The following TBC1D12 variants were observed in gnomAD, a reference collection of about 807,000 sequenced individuals.
TBC1D12 encodes the protein TBC1 domain family, member 12.
A neutral mutation model predicts 86.7 loss-of-function variants in TBC1D12; 56 were observed. The ratio of observed to expected loss-of-function variants is 0.65; its 90% CI spans 0.52 to 0.81. The LOEUF is 0.81. TBC1D12 is among the 30% of genes least tolerant of loss of function. The pLI, the probability that TBC1D12 is intolerant of heterozygous loss-of-function variation, is 0.00. For synonymous variants in TBC1D12, 421 were observed against 411.7 expected (o/e 1.02, Z -0.27); for missense variants, 1,023 against 1,038.8 (o/e 0.98, Z 0.21).
At chr10:94,404,439 G>C (rs1007990777) in intron 1 of TBC1D12, among the ~76,000 whole-genome samples, 5 of 151,856 alleles carry the variant, frequency 3.3e-5, no homozygotes, top group African/African-American at 1.2e-4. Flanking sequence ...TGAGGTCAGG[G>C]GTTCGAGACC....
chr10:94,460,448 C>CT (rs2055708377), intron 2 of TBC1D12, among the ~76,000 whole-genome samples: 1 of 152,034 alleles, frequency 6.6e-6, no homozygotes, highest in Non-Finnish European at 1.5e-5. Flanking sequence ...CCACTCTTTA[C>CT]TTGCATTTCT....
chr10:94,494,137 T>A (rs921425124), intron 4 of TBC1D12, among the ~76,000 whole-genome samples: 4 of 152,112 alleles, frequency 2.6e-5, no homozygotes, highest in Admixed American at 1.3e-4. Flanking sequence ...AAGTATACTC[T>A]TGTGTGTATA....
chr10:94,487,125 CTCTT>C (rs778345955), intron 3 of TBC1D12, among the ~76,000 whole-genome samples: 1 of 151,932 alleles, frequency 6.6e-6, no homozygotes, highest in Non-Finnish European at 1.5e-5. Context: ...AATATAGCGA[CTCTT>C]TCTCCTTTTT....
At chr10:94,416,825 G>C (rs1257685825) in intron 1 of TBC1D12, among the ~76,000 whole-genome samples, 1 of 151,990 alleles carries the variant, frequency 6.6e-6, no homozygotes, top group Non-Finnish European at 1.5e-5. Context: ...TAAAGAAGAG[G>C]GTTTGGGTTA....
At chr10:94,457,146 G>A (rs757250116) in intron 2 of TBC1D12, among the ~76,000 whole-genome samples, 1 of 152,122 alleles carries the variant, frequency 6.6e-6, no homozygotes, top group Non-Finnish European at 1.5e-5. Context: ...TTGCAGGTTT[G>A]TTACGTAGGT....
chr10:94,470,119 A>G (rs1256211801), intron 2 of TBC1D12, among the ~76,000 whole-genome samples: 3 of 152,180 alleles, frequency 2.0e-5, no homozygotes, highest in Admixed American at 2.0e-4. Flanking sequence ...TCTTCAAATC[A>G]CGTGGAGGAG....
intron 2 of TBC1D12, among the ~76,000 whole-genome samples, chr10:94,458,153 ATTCT>A (rs921415175): frequency 8.5e-5 from 13 of 152,180 alleles, no homozygotes; most frequent in African/African-American, 2.9e-4. Flanking sequence ...GAGGTGATTA[ATTCT>A]TTAAGAGGAT....
intron 6 of TBC1D12, among the ~76,000 whole-genome samples, chr10:94,501,072 AAATGAATGAATG>A (rs199587549): frequency 3.5e-5 from 5 of 143,236 alleles, no homozygotes; most frequent in Admixed American, 2.1e-4. Context: ...ATGAATGAAT[AAATGAATGAATG>A]AATGAATGAA....
rs2134207837 is a variant in TBC1D12 at position 94,511,646 on chromosome 10, G to A, written c.1753G>A (p.Val585Ile). Reference sequence around the variant, plus strand: ...GGCATACACATGCTACAGGCCTGATGTTGGTTATGTAAGTATTTGTTTCCA... The same window carrying A: ...GGCATACACATGCTACAGGCCTGATATTGGTTATGTAAGTATTTGTTTCCA... ...LGAYTCYRPD[V>I]GYVQGMSFIA... Residue 585 changes from valine (V) to isoleucine (I), a missense_variant, in exon 9 of 13, where the codon GTT becomes ATT. Transcript: ENST00000225235. 6.2e-7 allele frequency: 1 copy of A among 1,610,410 alleles called. No homozygotes were observed. Among genetic ancestry groups the A allele is most frequent in the Non-Finnish European group, 8.5e-7 (1 of 1,177,466 alleles).
intron 2 of TBC1D12, among the ~76,000 whole-genome samples, chr10:94,465,670 A>G (rs866975166): frequency 0.024 from 3,372 of 137,824 alleles, 113 homozygotes; most frequent in African/African-American, 0.073. Flanking sequence ...ATATATATAT[A>G]TGTGTGTGTG....
chr10:94,441,794 G>A (rs1180769252), intron 1 of TBC1D12, 102 bp from the exon 2 acceptor site: 16 of 1,137,242 alleles, frequency 1.4e-5, no homozygotes, highest in Admixed American at 1.0e-4. Context: ...TTATTTAAAA[G>A]TATTTTTGTT....
At position 94,534,319 on chromosome 10, in the gene TBC1D12, C is replaced by T. The variant is rs142870352; in HGVS notation, c.*1223C>T. On this transcript the variant is annotated 3_prime_UTR_variant, in exon 13 of 13. Coordinates refer to ENST00000225235, the MANE Select transcript of TBC1D12 (RefSeq NM_015188.2). ...CATCATTGCTTTCTTCAAGGAAGGT[C>T]TTGATACTGCCCTCGTCTACCTCAC... 6.6e-6 allele frequency: 1 copy of T among 152,270 alleles called. No individual in the cohort carries two copies. Among genetic ancestry groups the T allele is most frequent in the African/African-American group, 2.4e-5 (1 of 41,556 alleles). The allele number at this position is 152,270 out of a possible 1,614,324, so 9.4% of individuals were successfully genotyped here.
intron 12 of TBC1D12, among the ~76,000 whole-genome samples, chr10:94,531,785 TTA>T (rs546755406): frequency 1.2e-3 from 177 of 145,224 alleles, no homozygotes; most frequent in African/African-American, 4.5e-3. Context: ...TTATTTTATT[TTA>T]TGTTATTTTA....
At chr10:94,529,804 A>C (rs749557287) in intron 11 of TBC1D12, among the ~76,000 whole-genome samples, 2 of 152,170 alleles carry the variant, frequency 1.3e-5, no homozygotes, top group Non-Finnish European at 2.9e-5. Context: ...AAGTGTGAGC[A>C]TGGGGGATAG....
intron 3 of TBC1D12, among the ~76,000 whole-genome samples, chr10:94,486,461 T>C (rs1423464908): frequency 6.6e-6 from 1 of 152,100 alleles, no homozygotes; most frequent in Non-Finnish European, 1.5e-5. Context: ...CCTTTTAGTG[T>C]TGCTTTTGCT....
At chr10:94,504,788 G>A (rs1363305206) in intron 6 of TBC1D12, among the ~76,000 whole-genome samples, 2 of 152,190 alleles carry the variant, frequency 1.3e-5, no homozygotes, top group African/African-American at 2.4e-5. Flanking sequence ...AATAGTGAAA[G>A]TGCATTTTGC....
chr10:94,535,658 A>G lies in TBC1D12; in HGVS notation c.*2562A>G, dbSNP rs1450356419. On this transcript the variant is annotated 3_prime_UTR_variant, in exon 13 of 13. Transcript: ENST00000225235. ...GAATGACCTTTTAACTCCAGTAACT[A>G]CTTCCTTGGTATTGGTATCCTTGAT... The G allele has an allele frequency of 6.6e-6, 1 of 152,272 alleles. No homozygotes were observed. Among genetic ancestry groups the G allele is most frequent in the East Asian group, 1.9e-4 (1 of 5,180 alleles). 9.4% of individuals were successfully genotyped at this position (152,272 alleles called of 1,614,324 possible). A position where few individuals can be genotyped will look rare whatever the true frequency, so the allele number is the denominator to read the frequency against.
chr10:94,440,964 C>T (rs990586249), intron 1 of TBC1D12, among the ~76,000 whole-genome samples: 1 of 152,192 alleles, frequency 6.6e-6, no homozygotes, highest in African/African-American at 2.4e-5. Context: ...ATTCTCCTGC[C>T]TCAGCTTCCC....
intron 11 of TBC1D12, among the ~76,000 whole-genome samples, chr10:94,525,048 A>G (rs1423517342): frequency 2.6e-5 from 4 of 152,120 alleles, no homozygotes; most frequent in Admixed American, 6.5e-5. Flanking sequence ...CACAGTTAAT[A>G]AATGGCAGAA....
Sources: gnomAD v4.1 joint callset for allele counts (sites outside exome capture counted in the v4.1 genomes callset) on GRCh38, gnomAD v4.1.1 for gene constraint, MANE v1.5 for transcripts, NCBI Gene and HGNC (gene_info 2026-07-23, HGNC 2026-07-21) for gene names.